DAPK1: variants seen among roughly 807,000 people sequenced by gnomAD.
DAPK1 encodes death associated protein kinase 1.
In DAPK1, 56 loss-of-function variants were observed where a neutral mutation model predicts 144.9. The ratio of observed to expected loss-of-function variants is 0.39; its 90% CI spans 0.31 to 0.48. The LOEUF (loss-of-function observed/expected upper bound fraction) is 0.48. Ranked by LOEUF, DAPK1 falls within the 20% of genes least tolerant of loss-of-function variation. DAPK1 has a pLI of 0.95. For missense variants in DAPK1, 1,454 were observed against 1,875.4 expected (o/e 0.78, Z 4.15); for synonymous variants, 690 against 749.0 (o/e 0.92, Z 1.29).
intron 19 of DAPK1, 170 bp downstream of exon 19, chr9:87,668,844 T>A: frequency 1.6e-6 from 1 of 610,430 alleles, no homozygotes; most frequent in Non-Finnish European, 2.9e-6. Flanking sequence ...ATGCATCAGC[T>A]CCCTATCTGT....
intron 24 of DAPK1, 107 bp from the exon 25 acceptor site, chr9:87,702,922 A>G: frequency 3.1e-6 from 2 of 646,642 alleles, no homozygotes; most frequent in Non-Finnish European, 5.7e-6. Flanking sequence ...CTCGTTCATC[A>G]AATCACCTGC....
chr9:87,655,331 AG>A (rs1250502417), intron 17 of DAPK1, among the ~76,000 whole-genome samples: 3 of 152,106 alleles, frequency 2.0e-5, no homozygotes, highest in African/African-American at 7.2e-5. Flanking sequence ...CTTCTTCAGA[AG>A]GGTTGCTGTC....
chr9:87,533,237 A>C (rs920129873), intron 2 of DAPK1, among the ~76,000 whole-genome samples: 1 of 152,270 alleles, frequency 6.6e-6, no homozygotes, highest in African/African-American at 2.4e-5. Context: ...GAAATTGTCC[A>C]TAAAGTAATG....
At chr9:87,698,568 T>G in intron 22 of DAPK1, 88 bp from the exon 23 acceptor site, 2 of 782,856 alleles carry the variant, frequency 2.6e-6, no homozygotes, top group Non-Finnish European at 4.4e-6. Context: ...GGCCTGGGCA[T>G]GAGGCCAACA....
At chr9:87,545,829 G>A (rs1826231532) in intron 2 of DAPK1, among the ~76,000 whole-genome samples, 1 of 152,024 alleles carries the variant, frequency 6.6e-6, no homozygotes, top group Admixed American at 6.5e-5. Context: ...ACAGGTGTGA[G>A]CCACCACACC....
At chr9:87,679,783 G>C (rs1824538163) in intron 19 of DAPK1, among the ~76,000 whole-genome samples, 1 of 152,152 alleles carries the variant, frequency 6.6e-6, no homozygotes. Flanking sequence ...GATGGAAAAA[G>C]AAGAAAGTAA....
At chr9:87,669,162 G>A (rs1285522666) in intron 19 of DAPK1, among the ~76,000 whole-genome samples, 2 of 152,084 alleles carry the variant, frequency 1.3e-5, no homozygotes, top group African/African-American at 4.8e-5. Flanking sequence ...TTTAATCTAG[G>A]AACTCTGTTT....
At chr9:87,618,129 A>T (rs1265483962) in intron 3 of DAPK1, among the ~76,000 whole-genome samples, 2 of 152,220 alleles carry the variant, frequency 1.3e-5, no homozygotes, top group Non-Finnish European at 2.9e-5. Flanking sequence ...GATTCATTAC[A>T]AAACAGCTGC....
chr9:87,632,315 G>C (rs1829722410), intron 3 of DAPK1: 1 of 982,154 alleles, frequency 1.0e-6, no homozygotes, highest in Admixed American at 6.2e-5. Context: ...GAAGGAAGAT[G>C]AGTATACATG....
intron 24 of DAPK1, chr9:87,701,720 A>ATTTTT (rs59185381): frequency 1.1e-4 from 26 of 240,070 alleles, no homozygotes; most frequent in African/African-American, 6.5e-4. Context: ...CTCTGGGTGT[A>ATTTTT]TTTTTTTTTT....
intron 23 of DAPK1, 50 bp from the exon 24 acceptor site, chr9:87,700,067 G>A (rs1015860791): frequency 5.1e-6 from 8 of 1,558,884 alleles, no homozygotes; most frequent in Middle Eastern, 1.8e-4. Context: ...TCCATTAAAA[G>A]GCCTGGGGAC....
intron 2 of DAPK1, among the ~76,000 whole-genome samples, chr9:87,559,549 A>G (rs1454515177): frequency 6.6e-6 from 1 of 152,136 alleles, no homozygotes; most frequent in Non-Finnish European, 1.5e-5. Flanking sequence ...ACTGTGGTGG[A>G]CTTTCCCTGC....
rs542900078 is a variant in DAPK1 at position 87,654,764 on chromosome 9, A to G, written c.1824+3040A>G. ...CCCACTGTGCACCCAGGGGTCTACT[A>G]TGTGTGCAGCATCTAGAATCAGCTC... On this transcript the variant is annotated intron_variant, in intron 17 of 25. Coordinates refer to ENST00000408954, the MANE Select transcript of DAPK1 (RefSeq NM_004938.4). Among the ~76,000 whole-genome samples, 129 of 152,284 alleles carry G rather than the reference A, an allele frequency of 8.5e-4. 1 individual carries two copies. Among genetic ancestry groups the G allele is most frequent in the Admixed American group, 2.7e-3 (41 of 15,298 alleles).
At chr9:87,552,773 T>C (rs1212691939) in intron 2 of DAPK1, among the ~76,000 whole-genome samples, 1 of 140,230 alleles carries the variant, frequency 7.1e-6, no homozygotes, top group African/African-American at 2.7e-5. Context: ...TTTTTTTTTT[T>C]AAGATTTCTA....
intron 3 of DAPK1, among the ~76,000 whole-genome samples, chr9:87,633,905 C>G (rs928022253): frequency 1.3e-5 from 2 of 152,146 alleles, no homozygotes; most frequent in African/African-American, 4.8e-5. Context: ...AAGAACTATA[C>G]TTAGGATCAA....
At chr9:87,650,367 G>T in intron 16 of DAPK1, 1 of 454,656 alleles carries the variant, frequency 2.2e-6, no homozygotes, top group Non-Finnish European at 3.9e-6. Context: ...ATAATTTTTA[G>T]CTTTTTTAGC....
chr9:87,627,309 T>A (rs1235738791), intron 3 of DAPK1, among the ~76,000 whole-genome samples: 1 of 152,220 alleles, frequency 6.6e-6, no homozygotes, highest in Non-Finnish European at 1.5e-5. Flanking sequence ...TTGCTTAATT[T>A]ATTATTGCAC....
intron 11 of DAPK1, among the ~76,000 whole-genome samples, chr9:87,645,524 G>A (rs1277940842): frequency 1.3e-5 from 2 of 152,162 alleles, no homozygotes; most frequent in Non-Finnish European, 2.9e-5. Flanking sequence ...CCTTATCCAG[G>A]AAGAGAGTCT....
At chr9:87,513,648 T>C (rs1824936378) in intron 2 of DAPK1, among the ~76,000 whole-genome samples, 1 of 152,200 alleles carries the variant, frequency 6.6e-6, no homozygotes, top group African/African-American at 2.4e-5. Flanking sequence ...GAATAGTGTT[T>C]TAAAATGCTG....
Sources: gnomAD v4.1 joint callset for allele counts (sites outside exome capture counted in the v4.1 genomes callset) on GRCh38, gnomAD v4.1.1 for gene constraint, MANE v1.5 for transcripts, NCBI Gene and HGNC (gene_info 2026-07-23, HGNC 2026-07-21) for gene names.